CCDC171: variants seen among roughly 807,000 people sequenced by gnomAD.
The protein encoded by CCDC171 is coiled-coil domain-containing protein 171.
Under a neutral mutation model 168.2 loss-of-function variants are expected in CCDC171, and 177 were observed. The ratio of observed to expected loss-of-function variants is 1.05; its 90% confidence interval spans 0.93 to 1.19. The LOEUF (loss-of-function observed/expected upper bound fraction) is 1.19, where lower values mean the gene tolerates loss of function less well. Among genes scored for constraint, CCDC171 ranks in the 50% most tolerant of loss-of-function variants. The pLI, the probability that CCDC171 is intolerant of heterozygous loss-of-function variation, is 0.00. For missense variants in CCDC171, 1,991 were observed against 1,539.0 expected (o/e 1.29, Z -4.91); for synonymous variants, 687 against 540.8 (o/e 1.27, Z -3.75).
intron 25 of CCDC171, among the ~76,000 whole-genome samples, chr9:15,967,129 G>A (rs1830877645): frequency 6.6e-6 from 1 of 152,116 alleles, no homozygotes; most frequent in South Asian, 2.1e-4. Flanking sequence ...GTAGAATTTG[G>A]CTAACTCATC....
Position 16,037,706 on chromosome 9 carries a change from T to C in CCDC171, n.1181+1500T>C, listed in dbSNP as rs375816460. ...CTTCTAAAAGTAATAAATATTGTCA[T>C]CAATTTTAACAGATTAGATATGGTT... On this transcript the variant is annotated intron_variant and non_coding_transcript_variant, in intron 8 of 9. Coordinates refer to the CCDC171 transcript ENST00000486641. Among the ~76,000 whole-genome samples, 12 of 152,210 alleles carry C rather than the reference T, an allele frequency of 7.9e-5. No homozygotes were observed. The East Asian group carries it at 1.4e-3, about 17-fold the overall frequency.
At chr9:15,919,381 C>A (rs1275683730) in intron 24 of CCDC171, among the ~76,000 whole-genome samples, 1 of 151,638 alleles carries the variant, frequency 6.6e-6, no homozygotes, top group Admixed American at 6.6e-5. Flanking sequence ...TAATTTACAA[C>A]CTTAAGATAG....
chr9:15,683,617 C>A (rs1018682766), intron 10 of CCDC171, among the ~76,000 whole-genome samples: 1 of 151,952 alleles, frequency 6.6e-6, no homozygotes, highest in Admixed American at 6.6e-5. Context: ...GCGTAAGTGT[C>A]TTTGTGTATT....
intron 3 of CCDC171, among the ~76,000 whole-genome samples, chr9:16,018,424 A>G (rs1015268535): frequency 6.6e-6 from 1 of 152,124 alleles, no homozygotes; most frequent in Non-Finnish European, 1.5e-5. Context: ...AAAAAGAAAT[A>G]TTTTTTTGTT....
chr9:15,655,047 A>G (rs1317617628), intron 7 of CCDC171, among the ~76,000 whole-genome samples: 1 of 152,076 alleles, frequency 6.6e-6, no homozygotes, highest in Non-Finnish European at 1.5e-5. Flanking sequence ...TCGGGGGAGC[A>G]GGGAGGGATA....
intron 2 of CCDC171, among the ~76,000 whole-genome samples, chr9:15,568,595 C>G (rs2039947788): frequency 6.6e-6 from 1 of 152,084 alleles, no homozygotes; most frequent in Admixed American, 6.5e-5. Flanking sequence ...TTGATAATGG[C>G]CATTCTGACT....
chr9:16,095,042 C>G, the CCDC171 span, among the ~76,000 whole-genome samples: 2 of 152,174 alleles, frequency 1.3e-5, no homozygotes, highest in Non-Finnish European at 1.5e-5. Context: ...CTTCTCTTTC[C>G]TCTGTGATTG....
chr9:16,106,748 A>ATATCTC, the CCDC171 span, among the ~76,000 whole-genome samples: 49 of 152,334 alleles, frequency 3.2e-4, no homozygotes, highest in African/African-American at 1.0e-3. Flanking sequence ...AATATGGTAA[A>ATATCTC]ATATGCTAAA....
intron 16 of CCDC171, among the ~76,000 whole-genome samples, chr9:15,741,541 T>C (rs992441444): frequency 6.6e-6 from 1 of 152,202 alleles, no homozygotes; most frequent in African/African-American, 2.4e-5. Flanking sequence ...TGTTAGGCAT[T>C]TGTGTTTTTC....
Position 15,729,772 on chromosome 9 carries a change from T to C in CCDC171, c.2023T>C (p.Phe675Leu). The part of the protein sequence containing the change: ...KELELQYSEL[F>L]LEVQKRAQKF... ...ACTAGAGCTGCAGTATTCTGAACTC[T>C]TCCTGGAGGTGCAGAAGAGGGCACA... The change falls in exon 16 of 26, where the codon TTC becomes CTC. Residue 675 changes from phenylalanine to leucine, a missense_variant. Phe to Leu is a conservative substitution (Grantham distance 22). Coordinates refer to ENST00000380701, the MANE Select transcript of CCDC171 (RefSeq NM_173550.4). 2 of 1,610,332 alleles carry C rather than the reference T, an allele frequency of 1.2e-6. No homozygotes were observed. The highest frequency in any genetic ancestry group is 1.1e-5 in the South Asian group (1 of 90,568).
chr9:15,990,443 A>G (rs1363111533), intron 3 of CCDC171, among the ~76,000 whole-genome samples: 1 of 152,246 alleles, frequency 6.6e-6, no homozygotes, highest in African/African-American at 2.4e-5. Flanking sequence ...CATGGAAAGG[A>G]ACAACCAGTA....
chr9:15,579,142 CTT>C, intron 4 of CCDC171, 119 bp downstream of exon 4: 1 of 745,592 alleles, frequency 1.3e-6, no homozygotes, highest in South Asian at 2.4e-5. Context: ...CGTTGACTGA[CTT>C]TTGATGTACA....
At chr9:16,001,624 C>G (rs1832547986) in intron 3 of CCDC171, among the ~76,000 whole-genome samples, 1 of 151,968 alleles carries the variant, frequency 6.6e-6, no homozygotes, top group African/African-American at 2.4e-5. Flanking sequence ...CAATGGTGGT[C>G]CCATAAGATT....
Position 15,695,234 on chromosome 9 carries a change from G to A in CCDC171, c.1216-1G>A. The A allele has an allele frequency of 6.2e-7, 1 of 1,610,958 alleles. No individual in the cohort carries two copies. The highest frequency in any genetic ancestry group is 2.2e-5 in the East Asian group (1 of 44,856). On this transcript the variant is annotated splice_acceptor_variant, in intron 10 of 25. Transcript: ENST00000380701. LOFTEE classifies it high-confidence loss of function. Reference sequence around the variant, plus strand: ...TGTGTAATTTTTTTCTTAATTAAAAGGCTAAGAAGCACCAGGCCTTCCTAG... The same window carrying A: ...TGTGTAATTTTTTTCTTAATTAAAAAGCTAAGAAGCACCAGGCCTTCCTAG...
chr9:15,581,599 C>T (rs997304817), intron 4 of CCDC171, among the ~76,000 whole-genome samples: 15 of 152,152 alleles, frequency 9.9e-5, no homozygotes, highest in African/African-American at 3.4e-4. Context: ...ACCAATGGAA[C>T]AGAACAGAGC....
chr9:16,086,294 G>A, the CCDC171 span, among the ~76,000 whole-genome samples: 2 of 151,032 alleles, frequency 1.3e-5, no homozygotes, highest in East Asian at 1.9e-4. Context: ...GGGATCAGTG[G>A]TAATATCCCC....
intron 9 of CCDC171, among the ~76,000 whole-genome samples, chr9:15,667,202 T>TC (rs537745615): frequency 2.0e-4 from 31 of 151,556 alleles, no homozygotes; most frequent in Middle Eastern, 3.4e-3. Flanking sequence ...TTAAACCATT[T>TC]CCCCCCCCAG....
intron 6 of CCDC171, among the ~76,000 whole-genome samples, chr9:15,600,820 C>G (rs916826543): frequency 7.2e-5 from 11 of 152,196 alleles, no homozygotes; most frequent in Non-Finnish European, 1.5e-4. Flanking sequence ...TTTACCTACT[C>G]AAGCCTCCAC....
chr9:16,009,630 A>C (rs1184500698), intron 3 of CCDC171, among the ~76,000 whole-genome samples: 1 of 152,200 alleles, frequency 6.6e-6, no homozygotes, highest in South Asian at 2.1e-4. Context: ...CCAAAGCAGA[A>C]AGAACCACAT....
Sources: allele counts gnomAD v4.1 joint callset (sites outside exome capture counted in the v4.1 genomes callset), GRCh38; gene constraint gnomAD v4.1.1; transcripts MANE v1.5; gene names NCBI Gene and HGNC (gene_info 2026-07-23, HGNC 2026-07-21).